Variants in FBXL17 observed in about 807,000 individuals in gnomAD.
FBXL17 encodes the protein F-box/LRR-repeat protein 17.
FBXL17 carries 22 observed loss-of-function variants against 66.2 expected under a neutral mutation model. The observed-to-expected ratio is 0.33, with a 90% CI of 0.24 to 0.47. The LOEUF (loss-of-function observed/expected upper bound fraction) is 0.47. Ranked by LOEUF, FBXL17 falls within the 20% of genes least tolerant of loss-of-function variation. FBXL17 has a pLI of 1.00. For missense variants in FBXL17, 878 were observed against 948.2 expected (o/e 0.93, Z 0.97); for synonymous variants, 474 against 400.5 (o/e 1.18, Z -2.19).
intron 6 of FBXL17, among the ~76,000 whole-genome samples, chr5:108,126,647 C>A (rs868115381): frequency 1.6e-3 from 123 of 77,018 alleles, no homozygotes; most frequent in African/African-American, 5.4e-3. Flanking sequence ...CTCTCTCTCT[C>A]TCTCTATATA....
chr5:108,378,856 C>T (rs1255122242), intron 1 of FBXL17, among the ~76,000 whole-genome samples: 1 of 152,190 alleles, frequency 6.6e-6, no homozygotes, highest in African/African-American at 2.4e-5. Flanking sequence ...CTGGGGTTGG[C>T]AGACACTGAA....
At chr5:107,880,245 T>C in intron 8 of FBXL17, 2 of 443,290 alleles carry the variant, frequency 4.5e-6, no homozygotes, top group Non-Finnish European at 6.0e-6. Flanking sequence ...TTTTTTTTTG[T>C]TGGGGGAGAG....
At chr5:107,969,228 A>C (rs548964245) in intron 7 of FBXL17, among the ~76,000 whole-genome samples, 2 of 152,198 alleles carry the variant, frequency 1.3e-5, no homozygotes, top group African/African-American at 2.4e-5. Context: ...CATTGAAAGC[A>C]TGGATAAATA....
At chr5:108,338,253 A>G (rs1439953484) in intron 4 of FBXL17, among the ~76,000 whole-genome samples, 1 of 152,142 alleles carries the variant, frequency 6.6e-6, no homozygotes, top group African/African-American at 2.4e-5. Flanking sequence ...GGACATTTAA[A>G]CAGTAATGAA....
At chr5:108,344,010 G>C (rs1015431984) in intron 4 of FBXL17, among the ~76,000 whole-genome samples, 3 of 152,158 alleles carry the variant, frequency 2.0e-5, no homozygotes, top group African/African-American at 4.8e-5. Context: ...CATGTATGAA[G>C]TAGTATTGTA....
chr5:108,024,182 T>C (rs1211135637), intron 6 of FBXL17, among the ~76,000 whole-genome samples: 1 of 152,096 alleles, frequency 6.6e-6, no homozygotes, highest in African/African-American at 2.4e-5. Context: ...AGTTATAAAA[T>C]TTGGAAAAAG....
In FBXL17 at chr5:108,247,449, T is replaced by A. The variant is rs371838412; in HGVS notation, c.1507-23221A>T. ...ACAGCACTATTAACAGTTGGTCACA[T>A]TATTTAACCTTCTGTATCTCAGTTT... On this transcript the variant is annotated intron_variant, in intron 4 of 8. Coordinates refer to ENST00000542267, the MANE Select transcript of FBXL17 (RefSeq NM_001163315.3). Among the ~76,000 whole-genome samples the A allele has an allele frequency of 2.4e-4, 36 of 152,306 alleles. No homozygotes were observed. In the South Asian group the frequency reaches 7.3e-3, roughly 31 times the overall value.
intron 6 of FBXL17, among the ~76,000 whole-genome samples, chr5:108,103,348 A>G (rs987408009): frequency 7.9e-5 from 12 of 152,246 alleles, no homozygotes; most frequent in African/African-American, 2.7e-4. Context: ...CCAGTGGCAT[A>G]AAGAACTTTA....
intron 6 of FBXL17, among the ~76,000 whole-genome samples, chr5:108,089,366 C>T (rs1212827226): frequency 6.6e-6 from 1 of 152,200 alleles, no homozygotes; most frequent in African/African-American, 2.4e-5. Context: ...TTCCTTTTTC[C>T]TATACCTGGC....
intron 7 of FBXL17, among the ~76,000 whole-genome samples, chr5:107,907,631 A>G (rs865877009): frequency 2.0e-5 from 3 of 152,132 alleles, no homozygotes; most frequent in East Asian, 1.9e-4. Context: ...AAAAGTGGGC[A>G]AAGGACATGA....
At chr5:108,206,426 A>G (rs1192212840) in intron 5 of FBXL17, among the ~76,000 whole-genome samples, 2 of 152,180 alleles carry the variant, frequency 1.3e-5, no homozygotes, top group Admixed American at 6.6e-5. Flanking sequence ...TTTAAAATGT[A>G]TAATTTGGTA....
chr5:108,234,456 G>A (rs1434339774), intron 4 of FBXL17, among the ~76,000 whole-genome samples: 4 of 152,066 alleles, frequency 2.6e-5, no homozygotes, highest in Non-Finnish European at 4.4e-5. Context: ...TTTAAACACT[G>A]GCCTTTTAGG....
chr5:108,079,715 C>T (rs1279702923), intron 6 of FBXL17, among the ~76,000 whole-genome samples: 1 of 152,034 alleles, frequency 6.6e-6, no homozygotes, highest in Non-Finnish European at 1.5e-5. Context: ...TTTGTGGGTG[C>T]CAGCAATGAG....
chr5:107,950,480 A>G (rs1751461233), intron 7 of FBXL17, among the ~76,000 whole-genome samples: 1 of 152,212 alleles, frequency 6.6e-6, no homozygotes, highest in Non-Finnish European at 1.5e-5. Context: ...TTTTGGAATA[A>G]TTTGAGATAC....
At chr5:108,136,724 GGT>G in intron 6 of FBXL17, among the ~76,000 whole-genome samples, 1 of 152,218 alleles carries the variant, frequency 6.6e-6, no homozygotes, top group East Asian at 1.9e-4. Flanking sequence ...TAGAGAGCTT[GGT>G]AATCCCAGAA....
intron 4 of FBXL17, among the ~76,000 whole-genome samples, chr5:108,250,398 A>AT (rs1335863345): frequency 6.6e-6 from 1 of 152,104 alleles, no homozygotes; most frequent in Non-Finnish European, 1.5e-5. Context: ...CCTTTACATC[A>AT]TTTTTTAAAC....
chr5:108,271,011 C>T (rs78993345), intron 4 of FBXL17, among the ~76,000 whole-genome samples: 9 of 151,798 alleles, frequency 5.9e-5, no homozygotes, highest in Non-Finnish European at 8.8e-5. Context: ...ATGCAATTCA[C>T]CTCCTTTCCC....
At chr5:107,983,557 A>G (rs1727940978) in intron 7 of FBXL17, among the ~76,000 whole-genome samples, 1 of 152,132 alleles carries the variant, frequency 6.6e-6, no homozygotes, top group South Asian at 2.1e-4. Flanking sequence ...CTGAGATAGC[A>G]AAGAGAGAGG....
intron 6 of FBXL17, among the ~76,000 whole-genome samples, chr5:108,182,344 T>C (rs965131475): frequency 2.0e-5 from 3 of 152,162 alleles, no homozygotes; most frequent in Non-Finnish European, 4.4e-5. Context: ...AAATTATAAT[T>C]AAGTCTGATG....
Sources: gnomAD v4.1 joint callset for allele counts (sites outside exome capture counted in the v4.1 genomes callset) on GRCh38, gnomAD v4.1.1 for gene constraint, MANE v1.5 for transcripts, NCBI Gene and HGNC (gene_info 2026-07-23, HGNC 2026-07-21) for gene names.